The following PPP6R2 variants were observed in gnomAD, a reference collection of about 807,000 sequenced individuals.
PPP6R2 encodes serine/threonine-protein phosphatase 6 regulatory subunit 2.
PPP6R2 carries 62 observed loss-of-function variants against 100.2 expected under a neutral mutation model. The ratio of observed to expected loss-of-function variants is 0.62; its 90% CI spans 0.50 to 0.76. PPP6R2 has a LOEUF of 0.76. Ranked by LOEUF, PPP6R2 falls within the 30% of genes least tolerant of loss-of-function variation. The probability of loss-of-function intolerance (pLI) is 0.00; values close to 1 mark genes in which losing one functional copy is unlikely to be tolerated. For missense variants in PPP6R2, 1,142 were observed against 1,276.3 expected (o/e 0.89, Z 1.60); for synonymous variants, 525 against 514.7 (o/e 1.02, Z -0.27).
chr22:50,392,656 C>G (rs1324780912), intron 2 of PPP6R2, among the ~76,000 whole-genome samples: 3 of 152,192 alleles, frequency 2.0e-5, no homozygotes, highest in Non-Finnish European at 4.4e-5. Context: ...CCAGGAGACC[C>G]AGGAGCTGCC....
chr22:50,421,167 T>A (rs771101370), intron 8 of PPP6R2, among the ~76,000 whole-genome samples: 1 of 152,222 alleles, frequency 6.6e-6, no homozygotes, highest in Non-Finnish European at 1.5e-5. Context: ...AGTAGTGTTA[T>A]AATGTTACCG....
chr22:50,415,041 C>T (rs960520958), intron 5 of PPP6R2, among the ~76,000 whole-genome samples: 5 of 152,352 alleles, frequency 3.3e-5, no homozygotes, highest in African/African-American at 1.2e-4. Context: ...GCTAGCCCTG[C>T]GTCCAGGCCT....
the PPP6R2 span, among the ~76,000 whole-genome samples, chr22:50,331,129 G>T: frequency 6.6e-6 from 1 of 152,174 alleles, no homozygotes; most frequent in Non-Finnish European, 1.5e-5. Flanking sequence ...TTGAGGTCAT[G>T]CATGTTGTTG....
chr22:50,432,504 G>A (rs112700968), intron 12 of PPP6R2, among the ~76,000 whole-genome samples, 175 bp downstream of exon 12: 18 of 152,280 alleles, frequency 1.2e-4, no homozygotes, highest in East Asian at 5.8e-4. Flanking sequence ...TCTACTGGGC[G>A]GACAGCTGCA....
upstream of PPP6R2, among the ~76,000 whole-genome samples, chr22:50,338,689 TGTGTGTGGTGTGTGTAGG>T (rs1319810935): frequency 9.0e-5 from 12 of 133,794 alleles, no homozygotes; most frequent in South Asian, 2.5e-4. Context: ...TAGTATGTGG[TGTGTGTGGTGTGTGTAGG>T]GTGTGTGGTG....
At chr22:50,439,070 A>T (rs1050554256) in intron 19 of PPP6R2, among the ~76,000 whole-genome samples, 5 of 151,886 alleles carry the variant, frequency 3.3e-5, no homozygotes, top group African/African-American at 1.2e-4. Flanking sequence ...CACAGGCCTG[A>T]CGCCCTCCCC....
At chr22:50,395,722 G>A (rs1233106702) in intron 3 of PPP6R2, among the ~76,000 whole-genome samples, 1 of 151,896 alleles carries the variant, frequency 6.6e-6, no homozygotes, top group Non-Finnish European at 1.5e-5. Context: ...CACCATGCCC[G>A]GCTAATTTAT....
intron 1 of PPP6R2, among the ~76,000 whole-genome samples, chr22:50,359,820 T>G (rs2047418604): frequency 6.6e-6 from 1 of 152,160 alleles, no homozygotes; most frequent in African/African-American, 2.4e-5. Flanking sequence ...GGTTTTGGTA[T>G]CAAGGTAATA....
intron 1 of PPP6R2, among the ~76,000 whole-genome samples, chr22:50,370,959 C>T (rs2050078110): frequency 1.3e-5 from 2 of 152,168 alleles, no homozygotes; most frequent in South Asian, 4.1e-4. Context: ...TTCTAAGAAA[C>T]CCTTTGTAGA....
intron 1 of PPP6R2, among the ~76,000 whole-genome samples, chr22:50,347,296 G>A (rs867735685): frequency 1.3e-5 from 2 of 152,016 alleles, no homozygotes; most frequent in East Asian, 3.9e-4. Flanking sequence ...TCTCCTGCCT[G>A]TCAGTGGGAG....
rs914545133 is a variant in PPP6R2, at chr22:50,404,108, T to C, written c.228-2581T>C. The stretch of plus-strand genomic sequence containing the variant: ...CATTCTATTTTTTTTTTTTTTTTTT[T>C]CTGGAAACAAGAGTCTCGCTCTGTC... On this transcript the variant is annotated intron_variant, in intron 3 of 23. Transcript: ENST00000612753. Among the ~76,000 whole-genome samples the C allele has an allele frequency of 2.4e-4, 34 of 144,268 alleles. No individual in the cohort carries two copies. In the South Asian group the frequency reaches 6.0e-3, roughly 26 times the overall value. The allele number at this position is 144,268 out of a possible 152,430, so 94.6% of individuals were successfully genotyped here.
At chr22:50,362,727 C>G (rs4073478) in intron 1 of PPP6R2, among the ~76,000 whole-genome samples, 2,375 of 152,270 alleles carry the variant, frequency 0.016, 28 homozygotes, top group South Asian at 0.037. Flanking sequence ...CACCCTCATA[C>G]AAAGATACAC....
chr22:50,416,889 G>C (rs1359709069), intron 6 of PPP6R2, among the ~76,000 whole-genome samples: 1 of 151,708 alleles, frequency 6.6e-6, no homozygotes, highest in Admixed American at 6.6e-5. Context: ...CCAGGAAGGG[G>C]AGCTTGCAGT....
At position 50,406,619 on chromosome 22, in the gene PPP6R2, T is replaced by C. The variant is rs1324153055; in HGVS notation, c.228-70T>C. On this transcript the variant is annotated intron_variant, in intron 3 of 23. Coordinates refer to ENST00000612753, the MANE Select transcript of PPP6R2 (RefSeq NM_001242898.2). ...TGGGTCTGCTTCCTAAGAAGCAGACTATGTAAGCAGCTTCCTAAGAGTTGG... is the reference window on the plus strand; with the variant it reads ...TGGGTCTGCTTCCTAAGAAGCAGACCATGTAAGCAGCTTCCTAAGAGTTGG... The C allele has an allele frequency of 2.8e-6, 4 of 1,442,238 alleles. No homozygotes were observed. In the Admixed American group the frequency reaches 7.2e-5, roughly 26 times the overall value. 89.3% of individuals were successfully genotyped at this position (1,442,238 alleles called of 1,614,324 possible).
chr22:50,408,339 C>T (rs2059266822), intron 4 of PPP6R2, among the ~76,000 whole-genome samples: 1 of 152,190 alleles, frequency 6.6e-6, no homozygotes, highest in African/African-American at 2.4e-5. Flanking sequence ...TCTGAGAAAG[C>T]GCAGCTCCAC....
At chr22:50,360,852 T>A (rs1049962183) in intron 1 of PPP6R2, among the ~76,000 whole-genome samples, 7 of 152,168 alleles carry the variant, frequency 4.6e-5, no homozygotes, top group African/African-American at 7.2e-5. Context: ...TCTGTCAGTA[T>A]CTGTTTTCTC....
chr22:50,354,922 C>A (rs1222221324), intron 1 of PPP6R2, among the ~76,000 whole-genome samples: 1 of 141,826 alleles, frequency 7.1e-6, no homozygotes. Context: ...AGGTTGAGTG[C>A]AGTGGCACAG....
intron 4 of PPP6R2, among the ~76,000 whole-genome samples, chr22:50,413,174 C>T (rs1011622839): frequency 2.7e-4 from 41 of 151,024 alleles, no homozygotes; most frequent in African/African-American, 9.3e-4. Context: ...AGGCTGGTCT[C>T]GACCTCAGTC....
intron 9 of PPP6R2, among the ~76,000 whole-genome samples, chr22:50,422,676 G>A (rs564719286): frequency 6.6e-6 from 1 of 152,324 alleles, no homozygotes; most frequent in African/African-American, 2.4e-5. Context: ...CTCGGCTCCT[G>A]AGAGGGGACC....
Sources: gnomAD v4.1 joint callset for allele counts (sites outside exome capture counted in the v4.1 genomes callset) on GRCh38, gnomAD v4.1.1 for gene constraint, MANE v1.5 for transcripts, NCBI Gene and HGNC (gene_info 2026-07-23, HGNC 2026-07-21) for gene names.